NRXN1: variants seen among roughly 807,000 people sequenced by gnomAD.
The protein encoded by NRXN1 is neurexin-1.
Under a neutral mutation model 150.9 loss-of-function variants are expected in NRXN1, and 39 were observed. That is an observed-to-expected ratio of 0.26 (90% CI 0.20 to 0.34). The LOEUF (loss-of-function observed/expected upper bound fraction) is 0.34, where lower values mean the gene tolerates loss of function less well. Among genes scored for constraint, NRXN1 ranks in the 10% least tolerant of loss-of-function variants. The pLI, the probability that NRXN1 is intolerant of heterozygous loss-of-function variation, is 1.00. For synonymous variants in NRXN1, 924 were observed against 757.0 expected (o/e 1.22, Z -3.62); for missense variants, 1,815 against 1,949.9 (o/e 0.93, Z 1.30).
chr2:50,464,642 T>C (rs1306572679), intron 17 of NRXN1, among the ~76,000 whole-genome samples: 1 of 151,948 alleles, frequency 6.6e-6, no homozygotes, highest in Non-Finnish European at 1.5e-5. Context: ...ATATAGCACG[T>C]ATTCTATTTT....
chr2:50,236,328 T>C (rs568855047), intron 18 of NRXN1, among the ~76,000 whole-genome samples: 4 of 152,232 alleles, frequency 2.6e-5, no homozygotes, highest in South Asian at 4.1e-4. Context: ...CCTTAAAGTA[T>C]ACTTTCGTTC....
intron 17 of NRXN1, among the ~76,000 whole-genome samples, chr2:50,405,064 G>A (rs2082664455): frequency 6.6e-6 from 1 of 152,014 alleles, no homozygotes; most frequent in Non-Finnish European, 1.5e-5. Flanking sequence ...GCCAAAGAGG[G>A]GAGCTTAAAA....
At chr2:50,901,363 G>C (rs1399072981) in intron 5 of NRXN1, among the ~76,000 whole-genome samples, 3 of 151,896 alleles carry the variant, frequency 2.0e-5, no homozygotes, top group African/African-American at 4.8e-5. Context: ...GTGAAAACCA[G>C]TCTCTACTAA....
intron 18 of NRXN1, among the ~76,000 whole-genome samples, chr2:50,229,639 A>G (rs1019743707): frequency 1.2e-4 from 19 of 152,094 alleles, no homozygotes; most frequent in Non-Finnish European, 4.4e-5. Flanking sequence ...ATTCCAGAAT[A>G]ACTAAGATGC....
intron 19 of NRXN1, among the ~76,000 whole-genome samples, chr2:50,061,281 C>A (rs978339060): frequency 3.3e-5 from 5 of 152,094 alleles, no homozygotes; most frequent in Admixed American, 6.6e-5. Context: ...AGGATATAAA[C>A]CATTTGATTG....
intron 19 of NRXN1, among the ~76,000 whole-genome samples, chr2:50,077,398 T>G (rs1359141130): frequency 2.6e-5 from 4 of 152,032 alleles, no homozygotes; most frequent in Non-Finnish European, 5.9e-5. Flanking sequence ...AGGCCTCATC[T>G]AATTATCCCC....
chr2:50,734,965 A>C (rs1698545661), intron 5 of NRXN1, among the ~76,000 whole-genome samples: 1 of 152,212 alleles, frequency 6.6e-6, no homozygotes, highest in South Asian at 2.1e-4. Context: ...CTTGGGCTAC[A>C]ATATACCTGT....
Position 50,490,264 on chromosome 2 carries a change from G to C in NRXN1, c.3070+5641C>G, listed in dbSNP as rs944218989. On this transcript the variant is annotated intron_variant, in intron 15 of 22. Coordinates refer to ENST00000401669, the MANE Select transcript of NRXN1 (RefSeq NM_001330078.2). ...TAATGAGCATTGTGAACTCTCCTCT[G>C]CTTCTCAAAACCCTTTAATTTCACC... Among the ~76,000 whole-genome samples the C allele has an allele frequency of 2.6e-5, 4 of 152,140 alleles. No individual in the cohort carries two copies. The East Asian group carries it at 7.7e-4, about 29-fold the overall frequency.
At chr2:50,717,908 G>A (rs983690332) in intron 5 of NRXN1, among the ~76,000 whole-genome samples, 5 of 152,058 alleles carry the variant, frequency 3.3e-5, no homozygotes, top group Non-Finnish European at 5.9e-5. Flanking sequence ...TCTCATGATC[G>A]AATCACCTAC....
chr2:50,718,769 G>A (rs1001188204), intron 5 of NRXN1, among the ~76,000 whole-genome samples: 1 of 151,950 alleles, frequency 6.6e-6, no homozygotes, highest in Non-Finnish European at 1.5e-5. Flanking sequence ...TCATACTTGA[G>A]AGAACTATGG....
intron 22 of NRXN1, among the ~76,000 whole-genome samples, chr2:49,942,339 A>G (rs945923405): frequency 2.0e-5 from 3 of 151,738 alleles, no homozygotes; most frequent in Non-Finnish European, 4.4e-5. Flanking sequence ...GCTGCTCTCT[A>G]AGCGCTACAG....
intron 18 of NRXN1, among the ~76,000 whole-genome samples, chr2:50,116,335 C>T (rs905897249): frequency 3.3e-5 from 5 of 151,990 alleles, no homozygotes; most frequent in Non-Finnish European, 2.9e-5. Context: ...AGAGATACAA[C>T]CTGAAGTGTT....
At position 50,940,507 on chromosome 2, in the gene NRXN1, A is replaced by G. The variant is rs79271329; in HGVS notation, c.773-14552T>C. On this transcript the variant is annotated intron_variant, in intron 2 of 22. Coordinates refer to ENST00000401669, the MANE Select transcript of NRXN1 (RefSeq NM_001330078.2). ...AAAAAAAAGAAAAGAAAAGAAAACC[A>G]AAGGCCACATTGTATGACACAACAT... is the stretch of plus-strand genomic sequence containing the variant. Among the ~76,000 whole-genome samples, 1,064 of 151,874 alleles carry G rather than the reference A, an allele frequency of 7.0e-3. 7 individuals carry two copies. Among genetic ancestry groups the G allele is most frequent in the African/African-American group, 0.024 (1,004 of 41,454 alleles).
Position 50,861,281 on chromosome 2 carries a change from T to G in NRXN1, c.832+60588A>C, listed in dbSNP as rs1406945925. ...AACCTGGAGTGCAGTGAGATGACCA[T>G]AGCTCACTGTAGCCTCCATCTTCTG... On this transcript the variant is annotated intron_variant, in intron 5 of 22. Coordinates refer to ENST00000401669, the MANE Select transcript of NRXN1 (RefSeq NM_001330078.2). 2.6e-5 allele frequency among the ~76,000 whole-genome samples: 4 copies of G among 152,154 alleles called. 1 individual carries two copies. In the South Asian group the frequency reaches 8.3e-4, roughly 32 times the overall value.
At chr2:50,752,908 C>T (rs1249601840) in intron 5 of NRXN1, among the ~76,000 whole-genome samples, 2 of 151,996 alleles carry the variant, frequency 1.3e-5, no homozygotes, top group South Asian at 2.1e-4. Flanking sequence ...CTTAAAGCTG[C>T]CCCCAAATTA....
At chr2:50,331,399 CAG>C (rs1325088814) in intron 17 of NRXN1, among the ~76,000 whole-genome samples, 7 of 151,986 alleles carry the variant, frequency 4.6e-5, no homozygotes, top group Non-Finnish European at 8.8e-5. Flanking sequence ...AAGGAGAATG[CAG>C]AGTGAGATTT....
Position 50,200,376 on chromosome 2 carries a change from T to G in NRXN1, c.3546+36413A>C, listed in dbSNP as rs140991327. Among the ~76,000 whole-genome samples, 211 of 152,294 alleles carry G rather than the reference T, an allele frequency of 1.4e-3. 2 individuals are homozygous for G. The highest frequency in any genetic ancestry group is 4.8e-3 in the African/African-American group (201 of 41,584). ...ATTGGCCTCATTACTGTTTCTACTA[T>G]GAAATACAGTCTTCTAAGACATTAA... On this transcript the variant is annotated intron_variant, in intron 18 of 22. Transcript: ENST00000401669.
intron 2 of NRXN1, among the ~76,000 whole-genome samples, chr2:50,964,361 T>C (rs1435868810): frequency 6.6e-6 from 1 of 151,556 alleles, no homozygotes; most frequent in Non-Finnish European, 1.5e-5. Flanking sequence ...AGTGTTAGTT[T>C]TGTTCATATA....
intron 19 of NRXN1, among the ~76,000 whole-genome samples, chr2:50,079,949 T>A (rs1395481640): frequency 1.3e-5 from 2 of 152,214 alleles, no homozygotes; most frequent in South Asian, 4.1e-4. Flanking sequence ...AATGGAAAAT[T>A]TTAGAAATAA....
Sources: gnomAD v4.1 joint callset for allele counts (sites outside exome capture counted in the v4.1 genomes callset) on GRCh38, gnomAD v4.1.1 for gene constraint, MANE v1.5 for transcripts, NCBI Gene and HGNC (gene_info 2026-07-23, HGNC 2026-07-21) for gene names.